Variants in PRICKLE2 observed in about 807,000 individuals in gnomAD.
The protein encoded by PRICKLE2 is prickle-like protein 2.
In PRICKLE2, 21 loss-of-function variants were observed where a neutral mutation model predicts 81.4. The observed-to-expected ratio is 0.26, with a 90% CI of 0.18 to 0.37. The LOEUF is 0.37. Among genes scored for constraint, PRICKLE2 ranks in the 10% least tolerant of loss-of-function variants. The probability of loss-of-function intolerance (pLI) is 1.00; values close to 1 mark genes in which losing one functional copy is unlikely to be tolerated. For missense variants in PRICKLE2, 940 were observed against 1,109.0 expected, an observed-to-expected ratio of 0.85 and a Z score of 2.16; for synonymous variants, 456 against 421.5, an observed-to-expected ratio of 1.08 and a Z score of -1.00.
intron 7 of PRICKLE2, among the ~76,000 whole-genome samples, chr3:64,126,152 G>A (rs965606152): frequency 5.3e-5 from 8 of 152,102 alleles, no homozygotes; most frequent in Non-Finnish European, 8.8e-5. Context: ...AACTTGGGGG[G>A]CCTACCCTTT....
intron 2 of PRICKLE2, among the ~76,000 whole-genome samples, chr3:64,264,881 T>C (rs985025439): frequency 6.6e-6 from 1 of 152,184 alleles, no homozygotes; most frequent in African/African-American, 2.4e-5. Context: ...ACCCTAGTGA[T>C]AGGTACAAGG....
chr3:64,196,157 T>C (rs72882348), intron 2 of PRICKLE2, among the ~76,000 whole-genome samples: 12,116 of 152,246 alleles, frequency 0.08, 991 homozygotes, highest in African/African-American at 0.21. Context: ...GCTTCTGCAA[T>C]TGTCTTTTTT....
Position 64,153,333 on chromosome 3 carries a change from C to T in PRICKLE2, c.636G>A (p.Gly212=), listed in dbSNP as rs567814417. The change falls in exon 6 of 8, where the codon GGG becomes GGA. Residue 212 remains glycine, a synonymous_variant. Transcript: ENST00000638394. ...IFADECTEAE[G]RHWHMKHFCC... The stretch of plus-strand genomic sequence containing the variant: ...AAAAGTGTTTCATGTGCCAGTGTCG[C>T]CCCTCAGCTTCTGTGCATTCATCTG... The T allele has an allele frequency of 1.4e-4, 222 of 1,614,146 alleles. No individual in the cohort carries two copies. The South Asian group carries it at 2.3e-3, about 17-fold the overall frequency.
At chr3:64,105,696 C>T (rs1274037710) in intron 7 of PRICKLE2, 1 of 152,228 alleles carries the variant, frequency 6.6e-6, no homozygotes, top group African/African-American at 2.4e-5. Context: ...CTAATCACAG[C>T]TCTGTTGATG....
intron 7 of PRICKLE2, among the ~76,000 whole-genome samples, chr3:64,125,487 G>A (rs830005): frequency 0.55 from 83,906 of 151,960 alleles, 23,467 homozygotes; most frequent in South Asian, 0.64. Context: ...CTTCATTGTT[G>A]TCTTATCTTT....
At chr3:64,179,011 C>CTTTCT (rs1559559586) in intron 2 of PRICKLE2, among the ~76,000 whole-genome samples, 1 of 145,114 alleles carries the variant, frequency 6.9e-6, no homozygotes, top group African/African-American at 2.6e-5. Context: ...TTCTTTCTTT[C>CTTTCT]TTTCTTTCTT....
upstream of PRICKLE2, among the ~76,000 whole-genome samples, chr3:64,225,885 C>CT (rs371318729): frequency 3.2e-4 from 47 of 145,898 alleles, no homozygotes; most frequent in South Asian, 6.6e-4. Flanking sequence ...AATGCCTCTC[C>CT]TTTTTTTTTT....
chr3:64,093,691 C>T lies in PRICKLE2; in HGVS notation c.*5360G>A, dbSNP rs1276071229. 1 of 152,132 alleles carries T rather than the reference C, an allele frequency of 6.6e-6. No individual in the cohort carries two copies. Among genetic ancestry groups the T allele is most frequent in the Non-Finnish European group, 1.5e-5 (1 of 68,032 alleles). The allele number at this position is 152,132 out of a possible 1,614,324, so 9.4% of individuals were successfully genotyped here. A position where few individuals can be genotyped will look rare whatever the true frequency, so the allele number is the denominator to read the frequency against. ...CTCTGCAACCGAGAATTAACTAGCA[C>T]AAGACGTCAATATTGCTGAGGCTTA... On this transcript the variant is annotated 3_prime_UTR_variant, in exon 8 of 8. Coordinates refer to ENST00000638394, the MANE Select transcript of PRICKLE2 (RefSeq NM_198859.4).
At chr3:64,201,333 AT>A (rs1471803136) in intron 1 of PRICKLE2, among the ~76,000 whole-genome samples, 2 of 152,194 alleles carry the variant, frequency 1.3e-5, no homozygotes, top group African/African-American at 4.8e-5. Context: ...TTTTCACAAA[AT>A]ATCTGTACCT....
At chr3:64,206,675 T>G (rs2078694062) in intron 1 of PRICKLE2, among the ~76,000 whole-genome samples, 1 of 152,210 alleles carries the variant, frequency 6.6e-6, no homozygotes, top group Admixed American at 6.5e-5. Context: ...AGGGGCAGAC[T>G]GCTTAAAGAG....
chr3:64,223,327 G>C (rs887621406), intron 1 of PRICKLE2, among the ~76,000 whole-genome samples: 2 of 152,124 alleles, frequency 1.3e-5, no homozygotes, highest in Non-Finnish European at 2.9e-5. Flanking sequence ...AGATTCCATT[G>C]CTCTCTCCAC....
chr3:64,168,144 C>T (rs1315465313), intron 2 of PRICKLE2, among the ~76,000 whole-genome samples: 1 of 152,164 alleles, frequency 6.6e-6, no homozygotes, highest in Non-Finnish European at 1.5e-5. Flanking sequence ...AAAGTGCTCA[C>T]ATTTTTGGGT....
At chr3:64,191,409 A>G (rs1310468901) in intron 2 of PRICKLE2, among the ~76,000 whole-genome samples, 3 of 152,150 alleles carry the variant, frequency 2.0e-5, no homozygotes, top group Non-Finnish European at 4.4e-5. Flanking sequence ...GCACTCTCTC[A>G]TCCATGGCCA....
intron 7 of PRICKLE2, chr3:64,102,407 T>C (rs1303877021): frequency 6.6e-6 from 1 of 152,186 alleles, no homozygotes; most frequent in Non-Finnish European, 1.5e-5. Flanking sequence ...CATTAGACTC[T>C]CATAGGAGTG....
At chr3:64,156,507 A>G (rs939092268) in intron 5 of PRICKLE2, among the ~76,000 whole-genome samples, 3 of 152,206 alleles carry the variant, frequency 2.0e-5, no homozygotes, top group Non-Finnish European at 2.9e-5. Context: ...TTATAAAGCT[A>G]AACCAGGTTT....
intron 6 of PRICKLE2, among the ~76,000 whole-genome samples, chr3:64,152,666 G>A (rs1002463415): frequency 6.6e-5 from 10 of 151,898 alleles, no homozygotes; most frequent in African/African-American, 2.2e-4. Flanking sequence ...TTGTCCCAAG[G>A]AGGCTATGGA....
intron 2 of PRICKLE2, among the ~76,000 whole-genome samples, chr3:64,180,837 G>A (rs1478989467): frequency 6.6e-5 from 10 of 152,246 alleles, no homozygotes; most frequent in Non-Finnish European, 1.5e-4. Context: ...AGCTGAGAGT[G>A]ATTTTTATTA....
At chr3:64,257,438 T>C (rs1173796523) in intron 2 of PRICKLE2, among the ~76,000 whole-genome samples, 1 of 152,106 alleles carries the variant, frequency 6.6e-6, no homozygotes, top group Non-Finnish European at 1.5e-5. Context: ...AAAAGGCATA[T>C]GTGCAGCCCA....
intron 2 of PRICKLE2, among the ~76,000 whole-genome samples, chr3:64,167,841 C>T (rs1396669225): frequency 1.3e-5 from 2 of 152,164 alleles, no homozygotes; most frequent in African/African-American, 4.8e-5. Context: ...ATTTAGTAGG[C>T]CCGGGATGGG....
Sources: allele counts gnomAD v4.1 joint callset (sites outside exome capture counted in the v4.1 genomes callset), GRCh38; gene constraint gnomAD v4.1.1; transcripts MANE v1.5; gene names NCBI Gene and HGNC (gene_info 2026-07-23, HGNC 2026-07-21).